Variants in THSD4 observed in about 807,000 individuals in gnomAD.
THSD4 encodes the protein thrombospondin type 1 domain containing 4, also known as thrombospondin type-1 domain-containing protein 4.
THSD4 carries 69 observed loss-of-function variants against 119.0 expected under a neutral mutation model. That is an observed-to-expected ratio of 0.58 (90% CI 0.48 to 0.71). THSD4 has a LOEUF of 0.71. THSD4 is among the 30% of genes least tolerant of loss of function. The pLI, the probability that THSD4 is intolerant of heterozygous loss-of-function variation, is 0.00. For missense variants in THSD4, 1,393 were observed against 1,391.1 expected, an observed-to-expected ratio of 1.00 and a Z score of -0.02; for synonymous variants, 524 against 540.4, an observed-to-expected ratio of 0.97 and a Z score of 0.42.
At chr15:71,649,449 A>G (rs936046921) in intron 7 of THSD4, among the ~76,000 whole-genome samples, 2 of 151,584 alleles carry the variant, frequency 1.3e-5, no homozygotes, top group African/African-American at 4.8e-5. Context: ...TAATTTTTGT[A>G]TTTTTTTAGT....
Position 71,511,497 on chromosome 15 carries a change from A to G in THSD4, c.1152+99674A>G, listed in dbSNP as rs547327175. Among the ~76,000 whole-genome samples the G allele has an allele frequency of 2.6e-5, 4 of 152,332 alleles. No individual in the cohort carries two copies. The South Asian group carries it at 6.2e-4, about 24-fold the overall frequency. On this transcript the variant is annotated intron_variant, in intron 7 of 17. Transcript: ENST00000261862. ...GGAAAAAGGAAAAAGATTTACTTTC[A>G]CTACAAATATTTAAGGATCTGTTGA...
upstream of THSD4, among the ~76,000 whole-genome samples, chr15:71,112,643 C>G (rs2040314860): frequency 6.6e-6 from 1 of 152,158 alleles, no homozygotes; most frequent in African/African-American, 2.4e-5. Flanking sequence ...AGGCCCCCAG[C>G]CTAGGTAAGC....
intron 8 of THSD4, among the ~76,000 whole-genome samples, chr15:71,712,618 T>C (rs2141095022): frequency 6.6e-6 from 1 of 152,286 alleles, no homozygotes. Flanking sequence ...AACAAAATAC[T>C]TGTTCTTTGA....
chr15:71,551,498 T>A (rs1471321129), intron 7 of THSD4, among the ~76,000 whole-genome samples: 1 of 152,222 alleles, frequency 6.6e-6, no homozygotes, highest in African/African-American at 2.4e-5. Context: ...AGATAACCCC[T>A]AAGATTCAAT....
At chr15:71,625,205 A>G (rs559015613) in intron 7 of THSD4, among the ~76,000 whole-genome samples, 2 of 152,136 alleles carry the variant, frequency 1.3e-5, no homozygotes, top group Non-Finnish European at 1.5e-5. Context: ...ATGGGGTTTC[A>G]CCATGTTGGC....
Position 71,497,270 on chromosome 15 carries a change from C to T in THSD4, c.1152+85447C>T, listed in dbSNP as rs8037688. On this transcript the variant is annotated intron_variant, in intron 7 of 17. Transcript: ENST00000261862. ...GCTTATGCCTATAATCCCAGCACTC[C>T]GGGAGGCTGACACAGGCAGATCACT... Among the ~76,000 whole-genome samples, 1,197 of 152,162 alleles carry T rather than the reference C, an allele frequency of 7.9e-3. 20 individuals are homozygous for T. Among genetic ancestry groups the T allele is most frequent in the African/African-American group, 0.026 (1,083 of 41,504 alleles).
intron 7 of THSD4, among the ~76,000 whole-genome samples, chr15:71,487,737 C>T (rs964174916): frequency 3.3e-5 from 5 of 152,178 alleles, no homozygotes; most frequent in African/African-American, 1.2e-4. Context: ...GTGACTTTAA[C>T]ATTTTAAAAA....
intron 7 of THSD4, among the ~76,000 whole-genome samples, chr15:71,548,907 G>C (rs2048883797): frequency 6.6e-6 from 1 of 152,200 alleles, no homozygotes; most frequent in African/African-American, 2.4e-5. Context: ...GCAAATCACA[G>C]TGCTCCAGCA....
chr15:71,116,151 C>T (rs1015623388), intron 1 of THSD4, among the ~76,000 whole-genome samples: 4 of 152,194 alleles, frequency 2.6e-5, no homozygotes, highest in Admixed American at 6.5e-5. Flanking sequence ...GGGCAAGTCT[C>T]GGTCAGCGCT....
At chr15:71,448,428 T>C (rs946285103) in intron 7 of THSD4, among the ~76,000 whole-genome samples, 5 of 152,228 alleles carry the variant, frequency 3.3e-5, no homozygotes, top group Non-Finnish European at 7.3e-5. Context: ...GTAATAGATA[T>C]TAGATGTATT....
chr15:71,579,283 A>G (rs1292673047), intron 7 of THSD4, among the ~76,000 whole-genome samples: 1 of 152,192 alleles, frequency 6.6e-6, no homozygotes, highest in Non-Finnish European at 1.5e-5. Context: ...ATGGTTGTAC[A>G]GTAGCTATTG....
intron 7 of THSD4, among the ~76,000 whole-genome samples, chr15:71,566,921 A>T (rs1428771116): frequency 6.6e-6 from 1 of 151,756 alleles, no homozygotes; most frequent in African/African-American, 2.4e-5. Flanking sequence ...TTCCCTAAAC[A>T]CTTAAACTCA....
chr15:71,480,546 C>A (rs909095947), intron 7 of THSD4, among the ~76,000 whole-genome samples: 1 of 152,192 alleles, frequency 6.6e-6, no homozygotes, highest in African/African-American at 2.4e-5. Context: ...ATAAGCACTT[C>A]CTTCTTGCTC....
intron 7 of THSD4, among the ~76,000 whole-genome samples, chr15:71,444,170 A>G (rs796550445): frequency 2.6e-5 from 4 of 152,336 alleles, no homozygotes; most frequent in African/African-American, 9.6e-5. Context: ...TGCTGGGTGG[A>G]CAGGCACGCA....
intron 7 of THSD4, among the ~76,000 whole-genome samples, chr15:71,567,703 A>T (rs2049269906): frequency 6.6e-6 from 1 of 151,964 alleles, no homozygotes; most frequent in South Asian, 2.1e-4. Context: ...TGGGCAGAGG[A>T]TCCACAAGAG....
rs1327029905 is a variant in THSD4, at chr15:71,316,102, T to C, written c.1015+59387T>C. ...AACTTCAAAGTTATCCCTGTTAGCC[T>C]GTATGGAAATCTGCTTGCAAAACAG... is the stretch of plus-strand genomic sequence containing the variant. On this transcript the variant is annotated intron_variant, in intron 6 of 17. Coordinates refer to ENST00000261862, the MANE Select transcript of THSD4 (RefSeq NM_024817.3). Among the ~76,000 whole-genome samples, 5 of 152,278 alleles carry C rather than the reference T, an allele frequency of 3.3e-5. No homozygotes were observed. The East Asian group carries it at 9.7e-4, about 29-fold the overall frequency.
At chr15:71,688,477 T>G (rs150785123) in intron 8 of THSD4, among the ~76,000 whole-genome samples, 1 of 152,350 alleles carries the variant, frequency 6.6e-6, no homozygotes, top group East Asian at 1.9e-4. Context: ...AATGCTAATG[T>G]GTAAAACTGT....
chr15:71,371,958 C>T (rs553721002), intron 6 of THSD4, among the ~76,000 whole-genome samples: 1 of 152,328 alleles, frequency 6.6e-6, no homozygotes, highest in East Asian at 1.9e-4. Context: ...TCCCATATTT[C>T]TTGGAGGCTT....
Position 71,447,118 on chromosome 15 carries a change from G to GTGT in THSD4, c.1152+35296_1152+35297insGTT, listed in dbSNP as rs1555414737. The stretch of plus-strand genomic sequence containing the variant: ...TTGCCCTCTTCCCTCCATTTTTTTT[G>GTGT]TTTTTTTTTTTTTTTTTTTTGGAGA... On this transcript the variant is annotated intron_variant, in intron 7 of 17. Coordinates refer to ENST00000261862, the MANE Select transcript of THSD4 (RefSeq NM_024817.3). 2.2e-4 allele frequency among the ~76,000 whole-genome samples: 17 copies of GTGT among 76,084 alleles called. 1 individual carries two copies. In the East Asian group the frequency reaches 4.6e-3, roughly 20 times the overall value. The allele number at this position is 76,084 out of a possible 152,430, so 49.9% of individuals were successfully genotyped here.
Sources: gnomAD v4.1 joint callset for allele counts (sites outside exome capture counted in the v4.1 genomes callset) on GRCh38, gnomAD v4.1.1 for gene constraint, MANE v1.5 for transcripts, NCBI Gene and HGNC (gene_info 2026-07-23, HGNC 2026-07-21) for gene names.